Variants in UBAC2 observed in about 807,000 individuals in gnomAD.
UBAC2 encodes the protein UBA domain containing 2, also known as ubiquitin-associated domain-containing protein 2.
A neutral mutation model predicts 44.0 loss-of-function variants in UBAC2; 26 were observed. That is an observed-to-expected ratio of 0.59 (90% CI 0.43 to 0.82). UBAC2 has a LOEUF of 0.82. UBAC2 is among the 40% of genes least tolerant of loss of function. The pLI, the probability that UBAC2 is intolerant of heterozygous loss-of-function variation, is 0.00. For synonymous variants in UBAC2, 155 were observed against 154.3 expected, an observed-to-expected ratio of 1.00 and a Z score of -0.04; for missense variants, 329 against 419.4, an observed-to-expected ratio of 0.78 and a Z score of 1.88.
intron 4 of UBAC2, among the ~76,000 whole-genome samples, chr13:99,260,652 T>C (rs961983217): frequency 3.3e-5 from 5 of 152,198 alleles, no homozygotes; most frequent in African/African-American, 1.2e-4. Context: ...AAGTAAACAA[T>C]GGGTCAAGGA....
intron 7 of UBAC2, among the ~76,000 whole-genome samples, chr13:99,345,252 C>G (rs2044955984): frequency 1.3e-5 from 2 of 152,146 alleles, no homozygotes; most frequent in Admixed American, 1.3e-4. Context: ...TAGTTTAAGC[C>G]TGACAATAGA....
At chr13:99,202,967 A>G (rs1278584194) in intron 1 of UBAC2, among the ~76,000 whole-genome samples, 1 of 152,160 alleles carries the variant, frequency 6.6e-6, no homozygotes, top group Non-Finnish European at 1.5e-5. Flanking sequence ...TGTCAGCTTT[A>G]ACATTTTTCT....
chr13:99,323,699 G>A (rs1328418541), intron 6 of UBAC2, among the ~76,000 whole-genome samples: 1 of 151,960 alleles, frequency 6.6e-6, no homozygotes, highest in Non-Finnish European at 1.5e-5. Context: ...CCCTCTCTAT[G>A]CTACCTTTCC....
intron 4 of UBAC2, among the ~76,000 whole-genome samples, chr13:99,311,353 T>C (rs2044409443): frequency 6.6e-6 from 1 of 152,152 alleles, no homozygotes; most frequent in African/African-American, 2.4e-5. Context: ...GGTGCTGTCC[T>C]GCGGAGCACA....
chr13:99,278,930 A>G (rs1311680043), intron 4 of UBAC2, among the ~76,000 whole-genome samples: 1 of 152,192 alleles, frequency 6.6e-6, no homozygotes, highest in Non-Finnish European at 1.5e-5. Flanking sequence ...CCTCATGATC[A>G]TCAGTTTGCA....
At chr13:99,242,313 G>A (rs1234958909) in intron 2 of UBAC2, among the ~76,000 whole-genome samples, 3 of 151,368 alleles carry the variant, frequency 2.0e-5, no homozygotes, top group Non-Finnish European at 4.4e-5. Context: ...GGACGGGGCG[G>A]CTGGCCGGGC....
intron 6 of UBAC2, among the ~76,000 whole-genome samples, chr13:99,329,643 C>A (rs1418117726): frequency 6.6e-6 from 1 of 152,184 alleles, no homozygotes; most frequent in African/African-American, 2.4e-5. Context: ...CTTAAGCAGA[C>A]CTGTGGAGAG....
At chr13:99,242,317 G>A (rs1326773427) in intron 2 of UBAC2, among the ~76,000 whole-genome samples, 2 of 150,182 alleles carry the variant, frequency 1.3e-5, no homozygotes, top group Non-Finnish European at 3.0e-5. Context: ...GGGGCGGCTG[G>A]CCGGGCGGGG....
At chr13:99,311,845 G>A (rs1008350629) in intron 4 of UBAC2, among the ~76,000 whole-genome samples, 1 of 152,234 alleles carries the variant, frequency 6.6e-6, no homozygotes, top group African/African-American at 2.4e-5. Context: ...GGGGTGCTCA[G>A]CCTGGGAAGA....
chr13:99,304,281 A>G (rs921443435), intron 4 of UBAC2, among the ~76,000 whole-genome samples: 3 of 152,064 alleles, frequency 2.0e-5, no homozygotes, highest in Non-Finnish European at 4.4e-5. Context: ...TCTGGCCCCT[A>G]TCCTGTATCC....
In UBAC2 at chr13:99,347,332, C is replaced by T. The variant is rs1162845636; in HGVS notation, c.807+6767C>T. Among the ~76,000 whole-genome samples, 16 of 97,042 alleles carry T rather than the reference C, an allele frequency of 1.6e-4. No individual in the cohort carries two copies. In the South Asian group the frequency reaches 4.9e-3, roughly 30 times the overall value. The allele number at this position is 97,042 out of a possible 152,430, so 63.7% of individuals were successfully genotyped here. On this transcript the variant is annotated intron_variant, in intron 7 of 8. Transcript: ENST00000403766. ...CTATCCCCGGGCGCCCCCCCCCCCCCCCAGGAAAAAAAAGGCAAGTGAAGA... is the reference window on the plus strand; with the variant it reads ...CTATCCCCGGGCGCCCCCCCCCCCCTCCAGGAAAAAAAAGGCAAGTGAAGA...
chr13:99,300,517 C>T (rs756339437), intron 4 of UBAC2, among the ~76,000 whole-genome samples: 1 of 152,188 alleles, frequency 6.6e-6, no homozygotes, highest in Non-Finnish European at 1.5e-5. Context: ...ATTCTTATAT[C>T]AGCCAGTCCC....
intron 4 of UBAC2, among the ~76,000 whole-genome samples, chr13:99,254,492 A>G (rs1033415900): frequency 6.6e-6 from 1 of 152,210 alleles, no homozygotes; most frequent in African/African-American, 2.4e-5. Context: ...TGTTTGGGAC[A>G]TAAAGTATTG....
At chr13:99,292,442 G>A (rs1234314565) in intron 4 of UBAC2, among the ~76,000 whole-genome samples, 1 of 152,002 alleles carries the variant, frequency 6.6e-6, no homozygotes, top group Admixed American at 6.5e-5. Flanking sequence ...GCGCCCAGCT[G>A]GGGTTATATT....
At chr13:99,298,746 G>T (rs1255060594) in intron 4 of UBAC2, among the ~76,000 whole-genome samples, 2 of 152,130 alleles carry the variant, frequency 1.3e-5, no homozygotes, top group East Asian at 3.8e-4. Flanking sequence ...TGGAATAAAA[G>T]TAGAAAAAGA....
intron 1 of UBAC2, among the ~76,000 whole-genome samples, chr13:99,233,811 T>G (rs1046023492): frequency 3.3e-4 from 50 of 152,016 alleles, no homozygotes; most frequent in Middle Eastern, 3.4e-3. Flanking sequence ...GGTAAAAGGA[T>G]GGGAGAAAAA....
intron 1 of UBAC2, chr13:99,231,655 C>T (rs2043174505): frequency 6.6e-6 from 1 of 152,136 alleles, no homozygotes; most frequent in African/African-American, 2.4e-5. Flanking sequence ...AAGTGATCTA[C>T]CCGTCTCGGC....
intron 1 of UBAC2, among the ~76,000 whole-genome samples, chr13:99,205,198 G>T (rs188184173): frequency 1.5e-4 from 23 of 152,276 alleles, no homozygotes; most frequent in African/African-American, 4.8e-4. Flanking sequence ...CACTGTGCCC[G>T]GTTGGGGGAG....
intron 6 of UBAC2, among the ~76,000 whole-genome samples, chr13:99,339,464 G>A (rs2044851068): frequency 6.6e-6 from 1 of 152,132 alleles, no homozygotes; most frequent in Non-Finnish European, 1.5e-5. Flanking sequence ...GTTCTTTGCT[G>A]TATTCTAAGT....
Sources: allele counts gnomAD v4.1 joint callset (sites outside exome capture counted in the v4.1 genomes callset), GRCh38; gene constraint gnomAD v4.1.1; transcripts MANE v1.5; gene names NCBI Gene and HGNC (gene_info 2026-07-23, HGNC 2026-07-21).